DPY19L2: variants seen among roughly 807,000 people sequenced by gnomAD.
The protein encoded by DPY19L2 is probable C-mannosyltransferase DPY19L2.
A neutral mutation model predicts 97.9 loss-of-function variants in DPY19L2; 34 were observed. The observed-to-expected ratio is 0.35, with a 90% CI of 0.26 to 0.46. The LOEUF is 0.46. Ranked by LOEUF, DPY19L2 falls within the 20% of genes least tolerant of loss-of-function variation. The pLI, the probability that DPY19L2 is intolerant of heterozygous loss-of-function variation, is 1.00. For synonymous variants in DPY19L2, 230 were observed against 307.9 expected (o/e 0.75, Z 2.65); for missense variants, 623 against 911.4 (o/e 0.68, Z 4.07).
At chr12:63,592,882 C>G (rs1413972146) in intron 16 of DPY19L2, among the ~76,000 whole-genome samples, 2 of 151,918 alleles carry the variant, frequency 1.3e-5, no homozygotes, top group African/African-American at 4.8e-5. Context: ...ATTTTCACAA[C>G]CTACTCATCT....
chr12:63,643,626 T>C (rs563632104), intron 6 of DPY19L2, among the ~76,000 whole-genome samples: 112 of 152,280 alleles, frequency 7.4e-4, no homozygotes, highest in Non-Finnish European at 1.4e-3. Flanking sequence ...AAGATAAGCA[T>C]CTGTTGGCAT....
intron 6 of DPY19L2, 90 bp downstream of exon 6, chr12:63,644,313 C>A: frequency 1.3e-6 from 2 of 1,489,362 alleles, no homozygotes; most frequent in Non-Finnish European, 1.8e-6. Flanking sequence ...TGAATCTAAT[C>A]TCATTAATTT....
At chr12:63,642,153 C>G (rs1250290363) in intron 6 of DPY19L2, among the ~76,000 whole-genome samples, 1 of 152,136 alleles carries the variant, frequency 6.6e-6, no homozygotes, top group Non-Finnish European at 1.5e-5. Context: ...GGACAGAGAT[C>G]TCTGTCCTGT....
intron 6 of DPY19L2, among the ~76,000 whole-genome samples, chr12:63,639,615 G>A (rs1296026926): frequency 2.0e-5 from 3 of 152,084 alleles, no homozygotes; most frequent in African/African-American, 4.8e-5. Flanking sequence ...CATCATCACT[G>A]GCCATCAGAG....
At chr12:63,564,840 T>C (rs1366577781) in intron 21 of DPY19L2, among the ~76,000 whole-genome samples, 1 of 129,784 alleles carries the variant, frequency 7.7e-6, no homozygotes, top group East Asian at 2.1e-4. Context: ...TTTCTAACTA[T>C]ACTGTAGATT....
intron 11 of DPY19L2, among the ~76,000 whole-genome samples, chr12:63,616,307 A>G (rs1887813193): frequency 6.6e-6 from 1 of 152,236 alleles, no homozygotes; most frequent in South Asian, 2.1e-4. Flanking sequence ...TGAGCACACT[A>G]TTAGGAGTCC....
intron 21 of DPY19L2, among the ~76,000 whole-genome samples, chr12:63,561,997 G>A (rs964568337): frequency 1.3e-5 from 2 of 152,116 alleles, no homozygotes; most frequent in Admixed American, 1.3e-4. Context: ...CTTCTTTGGT[G>A]AAATTTCTAT....
At chr12:63,621,065 G>A (rs1308146983) in intron 9 of DPY19L2, among the ~76,000 whole-genome samples, 173 bp downstream of exon 9, 1 of 151,790 alleles carries the variant, frequency 6.6e-6, no homozygotes, top group Non-Finnish European at 1.5e-5. Context: ...ATGGGGTGGG[G>A]AAAACATTAG....
chr12:63,631,200 C>T (rs1307564982), intron 6 of DPY19L2, among the ~76,000 whole-genome samples: 1 of 151,938 alleles, frequency 6.6e-6, no homozygotes, highest in Non-Finnish European at 1.5e-5. Flanking sequence ...TAGCAGAAAG[C>T]AAGAAATAAC....
At chr12:63,651,303 A>G (rs1377222664) in intron 4 of DPY19L2, among the ~76,000 whole-genome samples, 1 of 152,176 alleles carries the variant, frequency 6.6e-6, no homozygotes, top group Non-Finnish European at 1.5e-5. Context: ...TGAAAACCCT[A>G]GAAGAAAACA....
rs540143876 is a variant in DPY19L2 at position 63,640,640 on chromosome 12, C to T, written c.803+3763G>A. ...CAATATCCTCACAGTTTTGATGACA[C>T]CTCTACAGTCACTATTGGTTGACTC... On this transcript the variant is annotated intron_variant, in intron 6 of 21. Coordinates refer to ENST00000324472, the MANE Select transcript of DPY19L2 (RefSeq NM_173812.5). Among the ~76,000 whole-genome samples, 227 of 152,208 alleles carry T rather than the reference C, an allele frequency of 1.5e-3. 2 individuals carry two copies. Among genetic ancestry groups the T allele is most frequent in the African/African-American group, 5.2e-3 (217 of 41,532 alleles).
intron 6 of DPY19L2, among the ~76,000 whole-genome samples, chr12:63,627,322 C>A (rs1889726707): frequency 1.3e-5 from 2 of 151,854 alleles, no homozygotes; most frequent in African/African-American, 4.8e-5. Flanking sequence ...AGATAAAAAC[C>A]ATTTCTTTTG....
At chr12:63,569,390 T>G in intron 20 of DPY19L2, 41 bp from the exon 21 acceptor site, 4 of 1,446,654 alleles carry the variant, frequency 2.8e-6, no homozygotes, top group African/African-American at 1.5e-5. Flanking sequence ...TTAAAATAAA[T>G]GATAATAGAA....
intron 16 of DPY19L2, among the ~76,000 whole-genome samples, chr12:63,588,847 G>A (rs567959269): frequency 6.7e-5 from 10 of 148,746 alleles, no homozygotes; most frequent in African/African-American, 2.0e-4. Flanking sequence ...TCCGCCTCCC[G>A]GGTTCACGCC....
intron 16 of DPY19L2, among the ~76,000 whole-genome samples, chr12:63,593,640 T>C (rs1883570009): frequency 6.6e-6 from 1 of 151,376 alleles, no homozygotes; most frequent in African/African-American, 2.4e-5. Context: ...GGGACTGTTG[T>C]GGGGTAGGGG....
At chr12:63,602,319 A>G (rs1885320732) in intron 12 of DPY19L2, among the ~76,000 whole-genome samples, 1 of 152,104 alleles carries the variant, frequency 6.6e-6, no homozygotes, top group Non-Finnish European at 1.5e-5. Flanking sequence ...AATTCAAATA[A>G]TGAAGGAATT....
intron 4 of DPY19L2, among the ~76,000 whole-genome samples, chr12:63,656,728 A>T (rs180722789): frequency 6.6e-6 from 1 of 151,986 alleles, no homozygotes; most frequent in Non-Finnish European, 1.5e-5. Context: ...ATGTTCTATC[A>T]TTTCCTTCCT....
chr12:63,594,311 G>C (rs1273129004), intron 15 of DPY19L2, among the ~76,000 whole-genome samples, 178 bp from the exon 16 acceptor site: 1 of 152,080 alleles, frequency 6.6e-6, no homozygotes, highest in Non-Finnish European at 1.5e-5. Flanking sequence ...TCCGAGAAGT[G>C]ACTTCACATC....
chr12:63,582,399 C>A lies in DPY19L2; in HGVS notation c.1725+7G>T, dbSNP rs774963029. The A allele has an allele frequency of 3.9e-5, 62 of 1,609,730 alleles. No homozygotes were observed. Among genetic ancestry groups the A allele is most frequent in the Non-Finnish European group, 4.5e-5 (53 of 1,178,514 alleles). ...ATAGTATTGTTATACAAGAATGAAT[C>A]CCTTACCTGTCGAGAGCATATCAAG... On this transcript the variant is annotated splice_region_variant and intron_variant, in intron 18 of 21. Transcript: ENST00000324472.
Sources: allele counts gnomAD v4.1 joint callset (sites outside exome capture counted in the v4.1 genomes callset), GRCh38; gene constraint gnomAD v4.1.1; transcripts MANE v1.5; gene names NCBI Gene and HGNC (gene_info 2026-07-23, HGNC 2026-07-21).